TMEM229B: variants seen among roughly 807,000 people sequenced by gnomAD.
TMEM229B encodes the protein transmembrane protein 229B, also known as chromosome 14 open reading frame 83.
Under a neutral mutation model 13.7 loss-of-function variants are expected in TMEM229B, and 6 were observed. The ratio of observed to expected loss-of-function variants is 0.44; its 90% CI spans 0.24 to 0.86. The LOEUF (loss-of-function observed/expected upper bound fraction) is 0.86, where lower values mean the gene tolerates loss of function less well. Ranked by LOEUF, TMEM229B falls within the 40% of genes least tolerant of loss-of-function variation. The pLI, the probability that TMEM229B is intolerant of heterozygous loss-of-function variation, is 0.23. For missense variants in TMEM229B, 170 were observed against 236.0 expected (o/e 0.72, Z 1.83); for synonymous variants, 107 against 102.1 (o/e 1.05, Z -0.29).
At chr14:67,524,886 T>G (rs2033344512) in intron 1 of TMEM229B, among the ~76,000 whole-genome samples, 2 of 152,148 alleles carry the variant, frequency 1.3e-5, no homozygotes, top group South Asian at 4.1e-4. Flanking sequence ...CTCTCCCCGG[T>G]ATCTTAATGA....
At chr14:67,512,431 C>A (rs1407844714) in intron 1 of TMEM229B, among the ~76,000 whole-genome samples, 2 of 152,200 alleles carry the variant, frequency 1.3e-5, no homozygotes, top group Non-Finnish European at 2.9e-5. Flanking sequence ...ACAAAGGGAG[C>A]TAAGGCTTTG....
chr14:67,481,031 C>T (rs1594683240), intron 2 of TMEM229B, among the ~76,000 whole-genome samples: 1 of 152,150 alleles, frequency 6.6e-6, no homozygotes, highest in Non-Finnish European at 1.5e-5. Context: ...GAGTTCATGC[C>T]TGCAGTCCCA....
At chr14:67,524,169 T>C (rs1248821655) in intron 1 of TMEM229B, among the ~76,000 whole-genome samples, 1 of 152,182 alleles carries the variant, frequency 6.6e-6, no homozygotes, top group Non-Finnish European at 1.5e-5. Context: ...AAATCTCATA[T>C]GTTCCCCAAG....
chr14:67,493,206 CTTGTTCT>C (rs2032236528), upstream of TMEM229B, among the ~76,000 whole-genome samples: 1 of 152,136 alleles, frequency 6.6e-6, no homozygotes, highest in Non-Finnish European at 1.5e-5. Flanking sequence ...GTTTCAGTTC[CTTGTTCT>C]TTGTTCTATT....
intron 2 of TMEM229B, among the ~76,000 whole-genome samples, chr14:67,480,049 G>A (rs759129433): frequency 3.9e-5 from 6 of 152,138 alleles, no homozygotes; most frequent in Non-Finnish European, 4.4e-5. Context: ...TGAGGATAAC[G>A]GAAGTAATGA....
chr14:67,508,394 A>G (rs1423211631), intron 1 of TMEM229B, among the ~76,000 whole-genome samples: 2 of 152,172 alleles, frequency 1.3e-5, no homozygotes, highest in Non-Finnish European at 2.9e-5. Flanking sequence ...TATCTTGTCC[A>G]AATGATAAGA....
At chr14:67,526,782 A>G (rs1411599940) in intron 1 of TMEM229B, among the ~76,000 whole-genome samples, 1 of 151,990 alleles carries the variant, frequency 6.6e-6, no homozygotes, top group Non-Finnish European at 1.5e-5. Flanking sequence ...GTGCTGAGAG[A>G]TAGTCTCCAA....
chr14:67,497,213 T>C (rs2032425566), intron 1 of TMEM229B, among the ~76,000 whole-genome samples: 1 of 152,024 alleles, frequency 6.6e-6, no homozygotes, highest in African/African-American at 2.4e-5. Flanking sequence ...TGCCCTGGGT[T>C]GTCTGGGGTC....
intron 1 of TMEM229B, among the ~76,000 whole-genome samples, chr14:67,512,033 G>A (rs934096121): frequency 1.4e-4 from 22 of 152,178 alleles, no homozygotes; most frequent in African/African-American, 5.3e-4. Flanking sequence ...AAACACCCTG[G>A]TACTGATGTA....
At chr14:67,478,009 T>C (rs933963775) in intron 2 of TMEM229B, among the ~76,000 whole-genome samples, 1 of 152,244 alleles carries the variant, frequency 6.6e-6, no homozygotes, top group Non-Finnish European at 1.5e-5. Context: ...ATAGTAAGCA[T>C]TCAAGAGAAG....
intron 1 of TMEM229B, among the ~76,000 whole-genome samples, chr14:67,500,960 C>T (rs555435333): frequency 2.0e-5 from 3 of 151,334 alleles, no homozygotes; most frequent in African/African-American, 7.3e-5. Flanking sequence ...GCATCATCTT[C>T]CAGATGAAAG....
At position 67,486,246 on chromosome 14, in the gene TMEM229B, G is replaced by A. The variant is rs2031871660; in HGVS notation, c.-19+754C>T. Among the ~76,000 whole-genome samples, 2 of 152,232 alleles carry A rather than the reference G, an allele frequency of 1.3e-5. 1 individual carries two copies. The highest frequency in any genetic ancestry group is 4.1e-4 in the South Asian group (2 of 4,836). ...TCTTTCTCATGCTGTTCTTGTGATAGTGAATAAATCTCATGAGATCTGATG... is the reference window on the plus strand; with the variant it reads ...TCTTTCTCATGCTGTTCTTGTGATAATGAATAAATCTCATGAGATCTGATG... On this transcript the variant is annotated intron_variant, in intron 2 of 2. Transcript: ENST00000554480.
chr14:67,524,619 T>C (rs1418295583), intron 1 of TMEM229B, among the ~76,000 whole-genome samples: 3 of 152,196 alleles, frequency 2.0e-5, no homozygotes, highest in African/African-American at 7.2e-5. Flanking sequence ...TCATTTCTCT[T>C]GAAAGTTGCG....
intron 2 of TMEM229B, among the ~76,000 whole-genome samples, chr14:67,477,898 T>C (rs982856771): frequency 6.6e-5 from 10 of 152,172 alleles, no homozygotes; most frequent in Non-Finnish European, 2.9e-5. Flanking sequence ...CTGTCTGGCT[T>C]CCTCTGCCAC....
rs188710811 is a variant in TMEM229B, at chr14:67,511,918, C to A, written c.-192+3168G>T. Among the ~76,000 whole-genome samples, 5 of 152,348 alleles carry A rather than the reference C, an allele frequency of 3.3e-5. No homozygotes were observed. The East Asian group carries it at 9.6e-4, about 29-fold the overall frequency. ...ATGGTTGACTTAGCCTCAGTTCTAT[C>A]TGTGGATGTGTGTGTCGGGGTGAAA... On this transcript the variant is annotated intron_variant, in intron 1 of 2. Transcript: ENST00000357461.
intron 1 of TMEM229B, among the ~76,000 whole-genome samples, chr14:67,510,450 G>T (rs984076519): frequency 6.6e-6 from 1 of 152,160 alleles, no homozygotes; most frequent in African/African-American, 2.4e-5. Context: ...ACCACAGCTG[G>T]TGATTTAATA....
chr14:67,504,057 A>T (rs2032722865), intron 1 of TMEM229B, among the ~76,000 whole-genome samples: 1 of 151,182 alleles, frequency 6.6e-6, no homozygotes, highest in Non-Finnish European at 1.5e-5. Flanking sequence ...TCTGTCACCC[A>T]GGCTGGAGTG....
chr14:67,532,283 A>T (rs2033484671), intron 1 of TMEM229B, among the ~76,000 whole-genome samples: 1 of 152,186 alleles, frequency 6.6e-6, no homozygotes, highest in African/African-American at 2.4e-5. Flanking sequence ...TCCAAGGACC[A>T]TTTGGAGAAA....
chr14:67,524,399 A>T (rs887218048), intron 1 of TMEM229B, among the ~76,000 whole-genome samples: 4 of 152,174 alleles, frequency 2.6e-5, no homozygotes, highest in Admixed American at 2.0e-4. Flanking sequence ...AGGTCAGGTC[A>T]TGAGGTCTCT....
Sources: allele counts gnomAD v4.1 joint callset (sites outside exome capture counted in the v4.1 genomes callset), GRCh38; gene constraint gnomAD v4.1.1; transcripts MANE v1.5; gene names NCBI Gene and HGNC (gene_info 2026-07-23, HGNC 2026-07-21).